CADM2: variants seen among roughly 807,000 people sequenced by gnomAD.
The protein encoded by CADM2 is immunoglobulin superfamily member 4D.
A neutral mutation model predicts 49.8 loss-of-function variants in CADM2; 12 were observed. The ratio of observed to expected loss-of-function variants is 0.24; its 90% CI spans 0.15 to 0.39. The LOEUF (loss-of-function observed/expected upper bound fraction) is 0.39. Ranked by LOEUF, CADM2 falls within the 10% of genes least tolerant of loss-of-function variation. The pLI is 1.00. For synonymous variants in CADM2, 214 were observed against 175.4 expected, an observed-to-expected ratio of 1.22 and a Z score of -1.74; for missense variants, 378 against 492.3, an observed-to-expected ratio of 0.77 and a Z score of 2.20.
chr3:86,034,700 T>G (rs1444819649), intron 8 of CADM2, among the ~76,000 whole-genome samples: 1 of 152,036 alleles, frequency 6.6e-6, no homozygotes, highest in East Asian at 1.9e-4. Context: ...GTTTTTAGTT[T>G]CCCAATGGAA....
chr3:85,237,532 A>G (rs941706748), intron 1 of CADM2, among the ~76,000 whole-genome samples: 6 of 151,312 alleles, frequency 4.0e-5, no homozygotes, highest in African/African-American at 1.5e-4. Context: ...TATAACTAAC[A>G]TATTACTTAG....
Position 85,548,900 on chromosome 3 carries a change from A to G in CADM2, c.62-177622A>G, listed in dbSNP as rs573716765. 2.0e-5 allele frequency among the ~76,000 whole-genome samples: 3 copies of G among 152,348 alleles called. No individual in the cohort carries two copies. The South Asian group carries it at 6.2e-4, about 32-fold the overall frequency. On this transcript the variant is annotated intron_variant, in intron 1 of 9. Coordinates refer to ENST00000383699, the MANE Select transcript of CADM2 (RefSeq NM_001167675.2). ...TTATTAAAAGTAGGTCATGTCATAC[A>G]TTGTAATAGCCTTCTGTGGCATATC...
chr3:85,375,948 A>T lies in CADM2; in HGVS notation c.62-350574A>T, dbSNP rs1188468139. 3.9e-5 allele frequency among the ~76,000 whole-genome samples: 6 copies of T among 152,264 alleles called. No individual in the cohort carries two copies. The East Asian group carries it at 1.2e-3, about 29-fold the overall frequency. ...TAATAACCACATTTAAGGGTACCTA[A>T]GTAAACCTAATAACTAATAGTCACT... On this transcript the variant is annotated intron_variant, in intron 1 of 9. Transcript: ENST00000383699.
intron 1 of CADM2, among the ~76,000 whole-genome samples, chr3:85,516,915 C>T (rs2060917175): frequency 6.6e-6 from 1 of 151,860 alleles, no homozygotes; most frequent in South Asian, 2.1e-4. Context: ...ATATTTTACT[C>T]AAATCCTTTT....
At chr3:85,666,465 T>G (rs544901141) in intron 1 of CADM2, among the ~76,000 whole-genome samples, 21 of 151,970 alleles carry the variant, frequency 1.4e-4, no homozygotes, top group Non-Finnish European at 2.7e-4. Context: ...GGTTTGTGGC[T>G]GAGACCTCTG....
chr3:85,141,822 C>T (rs2039586740), intron 1 of CADM2, among the ~76,000 whole-genome samples: 1 of 152,158 alleles, frequency 6.6e-6, no homozygotes, highest in Non-Finnish European at 1.5e-5. Context: ...TCTTTTACCA[C>T]CTGCTTCATT....
intron 1 of CADM2, among the ~76,000 whole-genome samples, chr3:85,558,665 T>TACCTAAC (rs1308292773): frequency 2.0e-5 from 3 of 152,126 alleles, no homozygotes; most frequent in African/African-American, 7.2e-5. Context: ...CAGTTTTTAT[T>TACCTAAC]ACCTAACTTG....
intron 1 of CADM2, among the ~76,000 whole-genome samples, chr3:85,016,609 A>G (rs1255715177): frequency 1.3e-5 from 2 of 152,104 alleles, no homozygotes; most frequent in Admixed American, 6.6e-5. Context: ...CCTGGCCAAC[A>G]CAGCGAAACC....
intron 5 of CADM2, among the ~76,000 whole-genome samples, chr3:85,912,062 G>A (rs1029155805): frequency 2.9e-4 from 44 of 151,746 alleles, no homozygotes; most frequent in African/African-American, 1.0e-3. Flanking sequence ...TCCTGCCTCA[G>A]CCTCCCGAGT....
intron 3 of CADM2, among the ~76,000 whole-genome samples, chr3:85,821,801 A>G (rs1470263698): frequency 1.3e-5 from 2 of 152,188 alleles, no homozygotes; most frequent in African/African-American, 2.4e-5. Flanking sequence ...GTACAATAAA[A>G]TGAATTACTA....
intron 2 of CADM2, among the ~76,000 whole-genome samples, chr3:85,771,078 A>G (rs2070059331): frequency 6.6e-6 from 1 of 152,078 alleles, no homozygotes; most frequent in South Asian, 2.1e-4. Flanking sequence ...CAGTCCTCTT[A>G]TTTTTAAGAA....
At chr3:85,541,864 G>A (rs1049316147) in intron 1 of CADM2, among the ~76,000 whole-genome samples, 1 of 148,604 alleles carries the variant, frequency 6.7e-6, no homozygotes, top group Non-Finnish European at 1.5e-5. Context: ...TTATCTGTAG[G>A]TTGAGTAGAA....
chr3:85,407,985 C>G (rs1385396625), intron 1 of CADM2, among the ~76,000 whole-genome samples: 1 of 101,004 alleles, frequency 9.9e-6, no homozygotes, highest in African/African-American at 3.5e-5. Flanking sequence ...AAGACCCTGC[C>G]TCTTTAAACA....
At chr3:85,475,338 A>G (rs1218000433) in intron 1 of CADM2, among the ~76,000 whole-genome samples, 1 of 151,928 alleles carries the variant, frequency 6.6e-6, no homozygotes, top group African/African-American at 2.4e-5. Flanking sequence ...TATCCTATCC[A>G]GCTCTGTGAC....
chr3:85,663,841 A>G (rs1021405193), intron 1 of CADM2, among the ~76,000 whole-genome samples: 2 of 151,972 alleles, frequency 1.3e-5, no homozygotes, highest in East Asian at 3.9e-4. Flanking sequence ...GGTTTATGCT[A>G]TCTGTACTTG....
chr3:85,241,976 A>G (rs1161587962), intron 1 of CADM2, among the ~76,000 whole-genome samples: 2 of 151,360 alleles, frequency 1.3e-5, no homozygotes, highest in Admixed American at 1.3e-4. Context: ...AGCTGATATT[A>G]ATAGAGTAGT....
At chr3:86,064,141 C>G (rs7650420) in intron 8 of CADM2, among the ~76,000 whole-genome samples, 106,032 of 151,674 alleles carry the variant, frequency 0.7, 38,714 homozygotes, top group African/African-American at 0.92. Context: ...GTGCCATGTT[C>G]GTGTGCTGCC....
intron 8 of CADM2, among the ~76,000 whole-genome samples, chr3:86,017,168 GTATATATATA>G (rs138958837): frequency 7.1e-6 from 1 of 141,538 alleles, no homozygotes; most frequent in African/African-American, 2.6e-5. Context: ...GTGTGTGTGT[GTATATATATA>G]TATATATATA....
chr3:85,201,256 G>A (rs1388056168), intron 1 of CADM2, among the ~76,000 whole-genome samples: 2 of 152,136 alleles, frequency 1.3e-5, no homozygotes, highest in African/African-American at 2.4e-5. Flanking sequence ...AAAAAAGCAT[G>A]TCACACAAAT....
Sources: gnomAD v4.1 joint callset for allele counts (sites outside exome capture counted in the v4.1 genomes callset) on GRCh38, gnomAD v4.1.1 for gene constraint, MANE v1.5 for transcripts, NCBI Gene and HGNC (gene_info 2026-07-23, HGNC 2026-07-21) for gene names.